The following SGSM2 variants were observed in gnomAD, a reference collection of about 807,000 sequenced individuals.
The protein encoded by SGSM2 is RUN and TBC1 domain containing 1.
In SGSM2, 89 loss-of-function variants were observed where a neutral mutation model predicts 126.6. The observed-to-expected ratio is 0.70, with a 90% CI of 0.59 to 0.84. The LOEUF is 0.84. Ranked by LOEUF, SGSM2 falls within the 40% of genes least tolerant of loss-of-function variation. The pLI, the probability that SGSM2 is intolerant of heterozygous loss-of-function variation, is 0.00. For missense variants in SGSM2, 1,404 were observed against 1,416.6 expected, an observed-to-expected ratio of 0.99 and a Z score of 0.14; for synonymous variants, 614 against 574.3, an observed-to-expected ratio of 1.07 and a Z score of -0.99.
At position 2,359,656 on chromosome 17, in the gene SGSM2, G is replaced by A. The variant is rs575401830; in HGVS notation, c.134-1981G>A. The stretch of plus-strand genomic sequence containing the variant: ...TCAGAGGCTGGCCGGGAAGGTAGGC[G>A]AGGCCACCCCGATGGGAGTGCTGGG... On this transcript the variant is annotated intron_variant, in intron 2 of 23. Transcript: ENST00000268989. Among the ~76,000 whole-genome samples the A allele has an allele frequency of 4.6e-5, 7 of 152,250 alleles. No individual in the cohort carries two copies. In the South Asian group the frequency reaches 8.3e-4, roughly 18 times the overall value.
Position 2,373,511 on chromosome 17 carries a change from G to T in SGSM2, c.2098G>T (p.Asp700Tyr), listed in dbSNP as rs749372415. 4 of 1,601,120 alleles carry T rather than the reference G, an allele frequency of 2.5e-6. No homozygotes were observed. Among genetic ancestry groups the T allele is most frequent in the East Asian group, 4.5e-5 (2 of 44,784 alleles). ...LIHRDSTISN[D>Y]VFISVDDLEP... Reference sequence around the variant, plus strand: ...CCACCGAGACTCCACCATCAGCAACGATGTGAGCCAGACGGGACCTGGAGG... The same window carrying T: ...CCACCGAGACTCCACCATCAGCAACTATGTGAGCCAGACGGGACCTGGAGG... The change falls in exon 17 of 24, where the codon GAT becomes TAT. Residue 700 changes from aspartate (D) to tyrosine (Y), a missense_variant and splice_region_variant. Physicochemically the swap from Asp to Tyr is radical, Grantham distance 160. Coordinates refer to ENST00000268989, the MANE Select transcript of SGSM2 (RefSeq NM_014853.3).
chr17:2,365,743 C>CT (rs946989393), intron 11 of SGSM2, among the ~76,000 whole-genome samples: 9,379 of 129,484 alleles, frequency 0.072, 706 homozygotes, highest in African/African-American at 0.16. Context: ...ACCAGCGCTA[C>CT]TTTTTTTTTT....
At chr17:2,358,643 C>G (rs1463270527) in intron 2 of SGSM2, among the ~76,000 whole-genome samples, 2 of 152,064 alleles carry the variant, frequency 1.3e-5, no homozygotes, top group African/African-American at 4.8e-5. Context: ...ACCCAGGAGG[C>G]TGAGACTGCA....
chr17:2,346,535 C>A (rs1369862615), intron 2 of SGSM2, among the ~76,000 whole-genome samples: 1 of 152,180 alleles, frequency 6.6e-6, no homozygotes, highest in Admixed American at 6.5e-5. Context: ...GGCAAGACTC[C>A]TAGGACTGGC....
In SGSM2 at chr17:2,361,753, G is replaced by C. The variant is rs1169244969; in HGVS notation, c.250G>C (p.Glu84Gln). Residue 84 changes from glutamate to glutamine, a missense_variant, in exon 3 of 24, where the codon GAG becomes CAG. Physicochemically the swap from Glu to Gln is conservative, Grantham distance 29. Coordinates refer to ENST00000268989, the MANE Select transcript of SGSM2 (RefSeq NM_014853.3). Reference sequence around the variant, plus strand: ...GGGGAAGACGTGCCCAGTGGCGGGGGAGATTTGCCACAAGGTACAGGAGCT... The same window carrying C: ...GGGGAAGACGTGCCCAGTGGCGGGGCAGATTTGCCACAAGGTACAGGAGCT... ...KVGKTCPVAG[E>Q]ICHKVQELQQ... The C allele has an allele frequency of 1.9e-6, 3 of 1,613,110 alleles. No individual in the cohort carries two copies. In the African/African-American group the frequency reaches 4.0e-5, roughly 22 times the overall value.
At position 2,342,279 on chromosome 17, in the gene SGSM2, C is replaced by G. The variant is rs1034708090; in HGVS notation, c.58-1266C>G. On this transcript the variant is annotated intron_variant, in intron 1 of 23. Transcript: ENST00000268989. ...AAAAATACAAAAAAAAAAAAAAAAGCCAGGTGTGGTGGTGCATGCCTGTAA... is the reference window on the plus strand; with the variant it reads ...AAAAATACAAAAAAAAAAAAAAAAGGCAGGTGTGGTGGTGCATGCCTGTAA... Among the ~76,000 whole-genome samples the G allele has an allele frequency of 2.7e-5, 4 of 147,502 alleles. No individual in the cohort carries two copies. In the South Asian group the frequency reaches 8.7e-4, roughly 32 times the overall value.
chr17:2,358,858 T>TTTGTTG (rs1202997749), intron 2 of SGSM2, among the ~76,000 whole-genome samples: 6 of 133,942 alleles, frequency 4.5e-5, no homozygotes, highest in African/African-American at 1.4e-4. Flanking sequence ...GGGGCTCTTT[T>TTTGTTG]TTGTTGTTGT....
chr17:2,360,023 G>A (rs1176467366), intron 2 of SGSM2, among the ~76,000 whole-genome samples: 3 of 152,200 alleles, frequency 2.0e-5, no homozygotes, highest in East Asian at 1.9e-4. Context: ...TCATGGAGAG[G>A]AGCATGTGGA....
chr17:2,343,698 C>T, intron 2 of SGSM2, 78 bp downstream of exon 2: 2 of 1,268,628 alleles, frequency 1.6e-6, no homozygotes, highest in Non-Finnish European at 2.3e-6. Flanking sequence ...AAAGATGAGT[C>T]CTCAGGTGCA....
At position 2,367,009 on chromosome 17, in the gene SGSM2, C is replaced by T. The variant is rs2065619834; in HGVS notation, c.1289-262C>T. On this transcript the variant is annotated intron_variant, in intron 11 of 23. Transcript: ENST00000268989. The surrounding 1 kb of genome is among the most constrained non-coding windows in gnomAD (Gnocchi z 4.0). The stretch of plus-strand genomic sequence containing the variant: ...AGTCCCGGTCTTTCACATCCTCCCA[C>T]CTCTGTTCTCTCTCTTCTGTTCTTC... 3 of 454,332 alleles carry T rather than the reference C, an allele frequency of 6.6e-6. No individual in the cohort carries two copies. Among genetic ancestry groups the T allele is most frequent in the East Asian group, 3.6e-5 (1 of 27,630 alleles). The allele number at this position is 454,332 out of a possible 1,614,324, so 28.1% of individuals were successfully genotyped here.
chr17:2,360,948 C>T (rs963450372), intron 2 of SGSM2, among the ~76,000 whole-genome samples: 2 of 152,194 alleles, frequency 1.3e-5, no homozygotes, highest in Non-Finnish European at 2.9e-5. Flanking sequence ...GAAGCTTCTC[C>T]GCCCCACACA....
chr17:2,368,807 T>C (rs2065719658), intron 12 of SGSM2, among the ~76,000 whole-genome samples: 1 of 152,210 alleles, frequency 6.6e-6, no homozygotes, highest in Non-Finnish European at 1.5e-5. Context: ...TACAGTGAAC[T>C]GACTGAGCAG....
At position 2,372,434 on chromosome 17, in the gene SGSM2, G is replaced by A. The variant is rs374117754; in HGVS notation, c.1734G>A (p.Gly578=). Residue 578 remains glycine, a synonymous_variant, in exon 15 of 24, where the codon GGG becomes GGA. Transcript: ENST00000268989. This position sits in a 1 kb window ranked among gnomAD's most constrained non-coding sequence, Gnocchi z 6.0. ...TTATCCCACCTGACCGGCCCCCGGG[G>A]GCCTCCGCGGGCCTCACCAAGGACG... The part of the protein sequence containing the change: ...HSVIPPDRPP[G]ASAGLTKDVW... 4.9e-5 allele frequency: 78 copies of A among 1,598,016 alleles called. No individual in the cohort carries two copies. Among genetic ancestry groups the A allele is most frequent in the Non-Finnish European group, 1.1e-5 (13 of 1,175,136 alleles).
chr17:2,350,814 G>A (rs2064813791), intron 2 of SGSM2, among the ~76,000 whole-genome samples: 1 of 152,152 alleles, frequency 6.6e-6, no homozygotes, highest in African/African-American at 2.4e-5. Context: ...GGTAGGCAGG[G>A]GCCGAGAAGC....
chr17:2,364,960 C>T lies in SGSM2; in HGVS notation c.1064C>T (p.Pro355Leu). 6.2e-7 allele frequency: 1 copy of T among 1,613,554 alleles called. No individual in the cohort carries two copies. Among genetic ancestry groups the T allele is most frequent in the African/African-American group, 1.3e-5 (1 of 75,076 alleles). ...ATCCAGAGGCCGCCGCTGCATTTCC[C>T]ACAGGGAGGACACCTGCTGTCCTTT... ...DGIQRPPLHFPQGGHLLSFLS... is the reference protein window; with the variant it reads ...DGIQRPPLHFLQGGHLLSFLS... The change falls in exon 10 of 24, where the codon CCA (proline) becomes CTA (leucine). Residue 355 changes from proline (P) to leucine (L), a missense_variant. By Grantham distance (98) the Pro-to-Leu change is moderately conservative. Transcript: ENST00000268989.
rs920634453 is a variant in SGSM2 at position 2,373,098 on chromosome 17, C to T, written c.1917+17C>T. The T allele has an allele frequency of 3.1e-6, 5 of 1,594,026 alleles. No homozygotes were observed. In the African/African-American group the frequency reaches 7.0e-5, roughly 22 times the overall value. On this transcript the variant is annotated intron_variant, in intron 16 of 23. Transcript: ENST00000268989. ...ATGGAGCAGGTGAGGGGAGCCTGTT[C>T]CCATGGGGCTGATGAGATGGGGAGC...
At chr17:2,370,320 T>A (rs1689185438) in intron 12 of SGSM2, among the ~76,000 whole-genome samples, 2 of 152,270 alleles carry the variant, frequency 1.3e-5, no homozygotes, top group Admixed American at 1.3e-4. Flanking sequence ...AGAGTCCCCC[T>A]TAAGCAGTGC....
Position 2,364,226 on chromosome 17 carries a change from T to C in SGSM2, c.932+43T>C, listed in dbSNP as rs370429439. On this transcript the variant is annotated intron_variant, in intron 8 of 23. Coordinates refer to ENST00000268989, the MANE Select transcript of SGSM2 (RefSeq NM_014853.3). ...CAATCCCAGGAGCCAGGGCAGGGAG[T>C]GGGTTTGACCTCAGGCAGAGGGATG... The C allele has an allele frequency of 3.1e-6, 5 of 1,611,158 alleles. No individual in the cohort carries two copies. In the African/African-American group the frequency reaches 5.4e-5, roughly 17 times the overall value.
In SGSM2 at chr17:2,365,279, G is replaced by T; in HGVS notation, c.1226G>T (p.Gly409Val). 6.2e-7 allele frequency: 1 copy of T among 1,600,616 alleles called. No homozygotes were observed. The highest frequency in any genetic ancestry group is 8.5e-7 in the Non-Finnish European group (1 of 1,173,612). Residue 409 changes from glycine to valine, a missense_variant, in exon 11 of 24, where the codon GGC becomes GTC. Coordinates refer to ENST00000268989, the MANE Select transcript of SGSM2 (RefSeq NM_014853.3). ...SIRSVDMEEM[G>V]TGRATDYVFR... ...CGCTCCGTGGATATGGAGGAGATGG[G>T]CACGGGGCGGGCCACCGACTATGTG...
Sources: allele counts gnomAD v4.1 joint callset (sites outside exome capture counted in the v4.1 genomes callset), GRCh38; gene constraint gnomAD v4.1.1; non-coding constraint Gnocchi (gnomAD v3.1); transcripts MANE v1.5; gene names NCBI Gene and HGNC (gene_info 2026-07-23, HGNC 2026-07-21).